ILKAP: variants seen among roughly 807,000 people sequenced by gnomAD.
ILKAP encodes the protein integrin-linked kinase-associated serine/threonine phosphatase 2C.
Under a neutral mutation model 49.1 loss-of-function variants are expected in ILKAP, and 11 were observed. That is an observed-to-expected ratio of 0.22 (90% CI 0.14 to 0.37). The LOEUF (loss-of-function observed/expected upper bound fraction) is 0.37, where lower values mean the gene tolerates loss of function less well. Ranked by LOEUF, ILKAP falls within the 10% of genes least tolerant of loss-of-function variation. ILKAP has a pLI of 1.00. For synonymous variants in ILKAP, 186 were observed against 192.8 expected, an observed-to-expected ratio of 0.96 and a Z score of 0.29; for missense variants, 363 against 510.8, an observed-to-expected ratio of 0.71 and a Z score of 2.79.
At chr2:238,171,157 T>A in intron 10 of ILKAP, 133 bp from the exon 11 acceptor site, 1 of 593,628 alleles carries the variant, frequency 1.7e-6, no homozygotes, top group Non-Finnish European at 2.9e-6. Flanking sequence ...TTTTTTCTTT[T>A]TTCTTTTTTT....
intron 9 of ILKAP, among the ~76,000 whole-genome samples, chr2:238,176,605 G>A (rs970942976): frequency 1.3e-5 from 2 of 152,242 alleles, no homozygotes; most frequent in East Asian, 1.9e-4. Context: ...TGTTGGACAA[G>A]CTGTTCAACA....
At chr2:238,171,717 C>T (rs1693227650) in intron 10 of ILKAP, among the ~76,000 whole-genome samples, 1 of 152,212 alleles carries the variant, frequency 6.6e-6, no homozygotes, top group African/African-American at 2.4e-5. Context: ...CACTTCCAGA[C>T]ATAAAGCTGA....
intron 1 of ILKAP, among the ~76,000 whole-genome samples, chr2:238,197,303 A>G (rs925086408): frequency 6.6e-6 from 1 of 152,220 alleles, no homozygotes; most frequent in Non-Finnish European, 1.5e-5. Flanking sequence ...CATTGGGTCT[A>G]ACAATCACAA....
intron 7 of ILKAP, 121 bp from the exon 8 acceptor site, chr2:238,183,861 T>G: frequency 1.0e-6 from 1 of 968,046 alleles, no homozygotes; most frequent in South Asian, 1.6e-5. Flanking sequence ...TGATACTTGC[T>G]TTTTTTCTGT....
At chr2:238,190,876 TTAAAAAAA>T (rs1259967189) in intron 3 of ILKAP, among the ~76,000 whole-genome samples, 16 of 105,514 alleles carry the variant, frequency 1.5e-4, no homozygotes, top group African/African-American at 6.4e-4. Flanking sequence ...ACGTTTCTCT[TTAAAAAAA>T]AAAAAAAAAA....
intron 5 of ILKAP, chr2:238,187,060 T>C (rs924147209): frequency 1.3e-5 from 2 of 152,248 alleles, no homozygotes; most frequent in African/African-American, 4.8e-5. Context: ...GAGACAAGCC[T>C]GAGCAACTTA....
At chr2:238,185,447 G>T in intron 5 of ILKAP, 160 bp from the exon 6 acceptor site, 1 of 528,174 alleles carries the variant, frequency 1.9e-6, no homozygotes, top group Non-Finnish European at 3.4e-6. Context: ...GAAAAAAAAG[G>T]CTTTAACTGA....
intron 9 of ILKAP, among the ~76,000 whole-genome samples, chr2:238,176,073 C>T (rs1197377485): frequency 1.3e-5 from 2 of 150,760 alleles, no homozygotes; most frequent in Non-Finnish European, 2.9e-5. Context: ...AAAGTTCATT[C>T]TCTTTCCCCT....
intron 1 of ILKAP, among the ~76,000 whole-genome samples, chr2:238,202,206 G>A (rs959662021): frequency 9.2e-5 from 14 of 152,194 alleles, no homozygotes; most frequent in Non-Finnish European, 1.8e-4. Flanking sequence ...CGACAAGAGT[G>A]AGACTCCGTC....
At chr2:238,195,991 C>T (rs1694325854) in intron 1 of ILKAP, among the ~76,000 whole-genome samples, 1 of 111,240 alleles carries the variant, frequency 9.0e-6, no homozygotes, top group African/African-American at 4.1e-5. Flanking sequence ...CTTCAGTGAG[C>T]CATGATTGGG....
At chr2:238,198,970 G>A (rs1005383817) in intron 1 of ILKAP, among the ~76,000 whole-genome samples, 13 of 152,212 alleles carry the variant, frequency 8.5e-5, no homozygotes, top group South Asian at 2.1e-4. Context: ...GACAGGTTCC[G>A]CCACACCCCC....
intron 10 of ILKAP, 138 bp from the exon 11 acceptor site, chr2:238,171,162 T>TCA: frequency 3.1e-6 from 1 of 326,956 alleles, no homozygotes; most frequent in Non-Finnish European, 5.5e-6. Flanking sequence ...TCTTTTTTCT[T>TCA]TTTTTTTTTT....
rs1693719030 is a variant in ILKAP, at chr2:238,182,113, G to C, written c.788C>G (p.Thr263Ser). 1 of 1,613,794 alleles carries C rather than the reference G, an allele frequency of 6.2e-7. No homozygotes were observed. The highest frequency in any genetic ancestry group is 1.1e-5 in the South Asian group (1 of 91,072). Reference sequence around the variant, plus strand: ...TATCCTCATCCGCTCTTCATACTGAGTTGGATTATGCTCTTTGCTGAGGCT... The same window carrying C: ...TATCCTCATCCGCTCTTCATACTGACTTGGATTATGCTCTTTGCTGAGGCT... ...ALSLSKEHNP[T>S]QYEERMRIQK... The change falls in exon 9 of 12, where the codon ACT (threonine) becomes AGT (serine). Residue 263 changes from threonine (T) to serine (S), a missense_variant. This residue lies in a region of ILKAP where 166 missense variants were observed against 307.3 expected (regional missense o/e 0.54). Coordinates refer to ENST00000254654, the MANE Select transcript of ILKAP (RefSeq NM_030768.3).
chr2:238,171,098 G>A (rs374793272), intron 10 of ILKAP, 74 bp from the exon 11 acceptor site: 6 of 944,908 alleles, frequency 6.3e-6, no homozygotes, highest in South Asian at 4.4e-5. Context: ...AGGGCCTGGA[G>A]ATGGAGATAA....
chr2:238,189,766 GTAT>G (rs1489198820), intron 4 of ILKAP, 84 bp downstream of exon 4: 4 of 1,249,644 alleles, frequency 3.2e-6, no homozygotes, highest in African/African-American at 3.0e-5. Flanking sequence ...TAAAAAGAAA[GTAT>G]TATTAGAAAG....
chr2:238,182,322 A>T, intron 8 of ILKAP, 136 bp from the exon 9 acceptor site: 2 of 1,018,770 alleles, frequency 2.0e-6, no homozygotes, highest in Non-Finnish European at 2.9e-6. Flanking sequence ...CCTCCTGCTG[A>T]TAAACGTAAG....
chr2:238,198,443 T>C (rs975537369), intron 1 of ILKAP, among the ~76,000 whole-genome samples: 3 of 152,202 alleles, frequency 2.0e-5, no homozygotes, highest in African/African-American at 7.2e-5. Flanking sequence ...CTCACTATGT[T>C]GCCCAGGTTG....
chr2:238,181,104 G>C (rs900907692), intron 9 of ILKAP, among the ~76,000 whole-genome samples: 3 of 152,092 alleles, frequency 2.0e-5, no homozygotes, highest in Non-Finnish European at 4.4e-5. Flanking sequence ...AAACGCTAAG[G>C]GTTCCAACTA....
intron 1 of ILKAP, among the ~76,000 whole-genome samples, chr2:238,202,662 A>T (rs144330807): frequency 4.1e-4 from 63 of 152,272 alleles, no homozygotes; most frequent in Non-Finnish European, 8.4e-4. Flanking sequence ...CCTAAACTAC[A>T]ACATCAAGCT....
Sources: gnomAD v4.1 joint callset for allele counts (sites outside exome capture counted in the v4.1 genomes callset) on GRCh38, gnomAD v4.1.1 for gene constraint, gnomAD v4.1.1 regional missense constraint, MANE v1.5 for transcripts, NCBI Gene and HGNC (gene_info 2026-07-23, HGNC 2026-07-21) for gene names.